RASL10A: variants seen among roughly 807,000 people sequenced by gnomAD.
The protein encoded by RASL10A is ras-like protein family member 10A.
A neutral mutation model predicts 17.3 loss-of-function variants in RASL10A; 13 were observed. That is an observed-to-expected ratio of 0.75 (90% CI 0.49 to 1.20). RASL10A has a LOEUF of 1.20. Among genes scored for constraint, RASL10A ranks in the 50% most tolerant of loss-of-function variants. The pLI is 0.00. For missense variants in RASL10A, 307 were observed against 310.3 expected (o/e 0.99, Z 0.08); for synonymous variants, 159 against 142.2 (o/e 1.12, Z -0.84).
At chr22:29,316,495 C>T (rs2147913721), upstream of RASL10A, among the ~76,000 whole-genome samples, 1 of 152,220 alleles carries the variant, frequency 6.6e-6, no homozygotes, top group Middle Eastern at 3.4e-3. Context: ...TGAGTTGCAA[C>T]CCGTAGCGCC....
At chr22:29,314,047 C>T in intron 1 of RASL10A, 60 bp from the exon 2 acceptor site, 1 of 1,599,028 alleles carries the variant, frequency 6.3e-7, no homozygotes, top group South Asian at 1.1e-5. Context: ...CTCTCGAACC[C>T]TCTGCAGGGG....
At position 29,315,142 on chromosome 22, in the gene RASL10A, G is replaced by T. The variant is rs772459386; in HGVS notation, c.105C>A (p.Pro35=). The T allele has an allele frequency of 7.8e-6, 12 of 1,532,760 alleles. No individual in the cohort carries two copies. Among genetic ancestry groups the T allele is most frequent in the South Asian group, 1.2e-5 (1 of 82,796 alleles). 94.9% of individuals were successfully genotyped at this position (1,532,760 alleles called of 1,614,324 possible). The part of the protein sequence containing the change: ...LFGDYPERHR[P]TDGPRLYRPA... ...GTCGGTAGAGGCGCGGCCCGTCCGT[G>T]GGCCGGTGGCGCTCGGGGTAGTCAC... is the stretch of plus-strand genomic sequence containing the variant. Residue 35 remains proline (P), a synonymous_variant, in exon 1 of 3, where the codon CCC becomes CCA. Coordinates refer to ENST00000216101, the MANE Select transcript of RASL10A (RefSeq NM_006477.5). The surrounding 1 kb of genome is among the most constrained non-coding windows in gnomAD (Gnocchi z 5.5).
chr22:29,317,352 C>T (rs1183355101), upstream of RASL10A: 1 of 151,356 alleles, frequency 6.6e-6, no homozygotes, highest in African/African-American at 2.4e-5. Flanking sequence ...TCCTCCTTGC[C>T]TCAGTCTCTC....
upstream of RASL10A, among the ~76,000 whole-genome samples, chr22:29,316,281 A>T (rs376731604): frequency 1.5e-3 from 233 of 152,168 alleles, no homozygotes; most frequent in African/African-American, 5.3e-3. Flanking sequence ...AGTCCCTCCT[A>T]CCTTCCTCCT....
upstream of RASL10A, among the ~76,000 whole-genome samples, chr22:29,318,574 C>T (rs568781653): frequency 6.6e-6 from 1 of 152,298 alleles, no homozygotes; most frequent in East Asian, 1.9e-4. Flanking sequence ...GAGTGTGCAG[C>T]CCTGTGCCAG....
Position 29,313,203 on chromosome 22 carries a change from C to T in RASL10A, c.*98G>A, listed in dbSNP as rs547623635. 2 of 1,382,942 alleles carry T rather than the reference C, an allele frequency of 1.4e-6. No individual in the cohort carries two copies. The highest frequency in any genetic ancestry group is 1.5e-5 in the African/African-American group (1 of 66,488). The allele number at this position is 1,382,942 out of a possible 1,614,324, so 85.7% of individuals were successfully genotyped here. On this transcript the variant is annotated 3_prime_UTR_variant, in exon 3 of 3. Transcript: ENST00000216101. ...TCATCCAATCAGGGCGGAGACTTCCCTGTCCAGTCCCAGTGAAGTTGGGCG... is the reference window on the plus strand; with the variant it reads ...TCATCCAATCAGGGCGGAGACTTCCTTGTCCAGTCCCAGTGAAGTTGGGCG...
rs1370600940 is a variant in RASL10A, at chr22:29,315,361, C to T, written c.-115G>A. On this transcript the variant is annotated 5_prime_UTR_variant, in exon 1 of 3. Coordinates refer to ENST00000216101, the MANE Select transcript of RASL10A (RefSeq NM_006477.5). The surrounding 1 kb of genome is among the most constrained non-coding windows in gnomAD (Gnocchi z 5.5). ...TGCCCGGTGCGCCACGGCCCCGTCG[C>T]GCTTCTCGTCGCCCCTCGGAGCACC... 2.3e-5 allele frequency: 14 copies of T among 599,930 alleles called. No individual in the cohort carries two copies. The highest frequency in any genetic ancestry group is 3.3e-5 in the Non-Finnish European group (14 of 428,850). The allele number at this position is 599,930 out of a possible 1,614,324, so 37.2% of individuals were successfully genotyped here.
chr22:29,313,562 C>A lies in RASL10A; in HGVS notation c.351G>T (p.Ala117=). 1 of 1,535,112 alleles carries A rather than the reference C, an allele frequency of 6.5e-7. No individual in the cohort carries two copies. Among genetic ancestry groups the A allele is most frequent in the Non-Finnish European group, 8.7e-7 (1 of 1,152,560 alleles). ...CGAGGATGGGCGCTTCGGGCGCGCC[C>A]GCCGGCCTGGGGGCCGAATGGAGAT... ...LRQRIAETRP[A]GAPEAPILVV... Residue 117 remains alanine, a synonymous_variant, in exon 3 of 3, where the codon GCG becomes GCT. Transcript: ENST00000216101.
chr22:29,313,399 G>A lies in RASL10A; in HGVS notation c.514C>T (p.Arg172Cys). ...ACCAGAGCGCAGCGCAGCAGCTCGCGGAAGAGACGCAGCACGTGCCAGTTG... is the reference window on the plus strand; with the variant it reads ...ACCAGAGCGCAGCGCAGCAGCTCGCAGAAGAGACGCAGCACGTGCCAGTTG... ...KYNWHVLRLF[R>C]ELLRCALVRA... Residue 172 changes from arginine to cysteine, a missense_variant, in exon 3 of 3, where the codon CGC becomes TGC. By Grantham distance (180) the Arg-to-Cys change is radical (BLOSUM62 -3). Coordinates refer to ENST00000216101, the MANE Select transcript of RASL10A (RefSeq NM_006477.5). 8.4e-6 allele frequency: 13 copies of A among 1,542,540 alleles called. No individual in the cohort carries two copies. The highest frequency in any genetic ancestry group is 1.1e-5 in the Non-Finnish European group (13 of 1,146,434).
upstream of RASL10A, among the ~76,000 whole-genome samples, chr22:29,316,555 C>T (rs975812381): frequency 1.3e-5 from 2 of 152,324 alleles, no homozygotes; most frequent in African/African-American, 2.4e-5. Context: ...CCAAGTTCCC[C>T]CTCCCTCGAG....
upstream of RASL10A, among the ~76,000 whole-genome samples, chr22:29,317,970 G>C (rs2061461336): frequency 6.6e-6 from 1 of 152,062 alleles, no homozygotes; most frequent in African/African-American, 2.4e-5. Flanking sequence ...TCAGGCATGA[G>C]CCACTGCGCC....
chr22:29,313,393 G>A lies in RASL10A; in HGVS notation c.520C>T (p.Leu174=), dbSNP rs1455266914. ...NWHVLRLFRE[L]LRCALVRARP... ...GCGCGCACCAGAGCGCAGCGCAGCA[G>A]CTCGCGGAAGAGACGCAGCACGTGC... The change falls in exon 3 of 3, where the codon CTG becomes TTG. Residue 174 remains leucine (L), a synonymous_variant. Coordinates refer to ENST00000216101, the MANE Select transcript of RASL10A (RefSeq NM_006477.5). The A allele has an allele frequency of 5.8e-6, 9 of 1,542,884 alleles. No homozygotes were observed. The highest frequency in any genetic ancestry group is 7.9e-6 in the Non-Finnish European group (9 of 1,146,376).
intron 1 of RASL10A, 141 bp from the exon 2 acceptor site, chr22:29,314,128 G>A: frequency 8.4e-7 from 1 of 1,192,196 alleles, no homozygotes; most frequent in South Asian, 1.6e-5. Context: ...AGCTTTCCGG[G>A]CCGTCTCCTC....
intron 1 of RASL10A, chr22:29,314,205 G>A (rs764669529): frequency 1.2e-5 from 7 of 572,096 alleles, no homozygotes; most frequent in Non-Finnish European, 2.1e-5. Context: ...TTCATCCTTG[G>A]TCTCCCCTCT....
In RASL10A at chr22:29,313,259, C is replaced by T; in HGVS notation, c.*42G>A. 1 of 1,449,412 alleles carries T rather than the reference C, an allele frequency of 6.9e-7. No individual in the cohort carries two copies. Among genetic ancestry groups the T allele is most frequent in the Non-Finnish European group, 9.1e-7 (1 of 1,097,786 alleles). The allele number at this position is 1,449,412 out of a possible 1,614,324, so 89.8% of individuals were successfully genotyped here. A position where few individuals can be genotyped will look rare whatever the true frequency, so the allele number is the denominator to read the frequency against. On this transcript the variant is annotated 3_prime_UTR_variant, in exon 3 of 3. Coordinates refer to ENST00000216101, the MANE Select transcript of RASL10A (RefSeq NM_006477.5). ...GTCCAATCCAGGTCCCTGATTGTCCCAGTCACAAGGTGGGGCCCATGGATG... is the reference window on the plus strand; with the variant it reads ...GTCCAATCCAGGTCCCTGATTGTCCTAGTCACAAGGTGGGGCCCATGGATG...
At chr22:29,319,011 CCTG>C, upstream of RASL10A, among the ~76,000 whole-genome samples, 1 of 152,260 alleles carries the variant, frequency 6.6e-6, no homozygotes, top group South Asian at 2.1e-4. Context: ...TATACTGAGC[CCTG>C]AAGGATCAAG....
intron 1 of RASL10A, 68 bp from the exon 2 acceptor site, chr22:29,314,055 G>C (rs762903099): frequency 3.0e-5 from 48 of 1,587,910 alleles, no homozygotes; most frequent in Non-Finnish European, 4.1e-5. Context: ...CCCTCTGCAG[G>C]GGCCTGGACG....
chr22:29,316,010 G>A (rs2061452247), upstream of RASL10A, among the ~76,000 whole-genome samples: 1 of 152,234 alleles, frequency 6.6e-6, no homozygotes, highest in Admixed American at 6.5e-5. Context: ...CCCGGGGTCC[G>A]AATTGGGGGG....
upstream of RASL10A, among the ~76,000 whole-genome samples, chr22:29,318,327 G>A (rs2061462606): frequency 6.6e-6 from 1 of 152,246 alleles, no homozygotes; most frequent in African/African-American, 2.4e-5. Context: ...GGGACGCCAT[G>A]ATTGGGCCAC....
Sources: gnomAD v4.1 joint callset for allele counts (sites outside exome capture counted in the v4.1 genomes callset) on GRCh38, gnomAD v4.1.1 for gene constraint, Gnocchi (gnomAD v3.1) non-coding constraint, MANE v1.5 for transcripts, NCBI Gene and HGNC (gene_info 2026-07-23, HGNC 2026-07-21) for gene names.